Variants in OTUD7A observed in about 807,000 individuals in gnomAD.
OTUD7A encodes OTU domain-containing protein 7A.
A neutral mutation model predicts 65.7 loss-of-function variants in OTUD7A; 12 were observed. The observed-to-expected ratio is 0.18, with a 90% CI of 0.12 to 0.30. The LOEUF is 0.30. OTUD7A is among the 10% of genes least tolerant of loss of function. The pLI, the probability that OTUD7A is intolerant of heterozygous loss-of-function variation, is 1.00. For missense variants in OTUD7A, 1,148 were observed against 1,304.8 expected, an observed-to-expected ratio of 0.88 and a Z score of 1.85; for synonymous variants, 641 against 586.3, an observed-to-expected ratio of 1.09 and a Z score of -1.35.
At chr15:31,609,764 G>T (rs778103773) in intron 3 of OTUD7A, among the ~76,000 whole-genome samples, 3 of 152,094 alleles carry the variant, frequency 2.0e-5, no homozygotes, top group Non-Finnish European at 4.4e-5. Context: ...GAGGCCAACC[G>T]GCACAAAAAC....
chr15:31,593,038 TTACA>T (rs1021094663), intron 3 of OTUD7A, among the ~76,000 whole-genome samples: 3 of 148,916 alleles, frequency 2.0e-5, no homozygotes, highest in Non-Finnish European at 4.4e-5. Context: ...CATAAACCCA[TTACA>T]TAGTCATTTG....
chr15:31,574,159 C>T (rs906798278), intron 3 of OTUD7A, among the ~76,000 whole-genome samples: 2 of 151,966 alleles, frequency 1.3e-5, no homozygotes, highest in Admixed American at 6.6e-5. Flanking sequence ...TATATAACCA[C>T]TAGTTATAAA....
chr15:31,605,612 T>C lies in OTUD7A; in HGVS notation c.152-35415A>G, dbSNP rs192932560. ...CATTAGGGGGCGCCTCCGTGCTCAC[T>C]TTCCAATGTAGCCTGCAATCATGGA... On this transcript the variant is annotated intron_variant, in intron 3 of 12. Coordinates refer to ENST00000307050, the MANE Select transcript of OTUD7A (RefSeq NM_001382637.1). Among the ~76,000 whole-genome samples the C allele has an allele frequency of 5.8e-4, 89 of 152,328 alleles. 2 individuals are homozygous for C. Among genetic ancestry groups the C allele is most frequent in the Admixed American group, 1.0e-3 (16 of 15,306 alleles).
At position 31,766,690 on chromosome 15, in the gene OTUD7A, C is replaced by G. The variant is rs1054936747; in HGVS notation, c.-100+103817G>C. On this transcript the variant is annotated intron_variant, in intron 1 of 12. Coordinates refer to ENST00000307050, the MANE Select transcript of OTUD7A (RefSeq NM_001382637.1). ...CTGTTCTGACTTGCATTTCCCATTA[C>G]ACAACTCCTCTTGGTCTTGAACAAT... 7 of 1,606,670 alleles carry G rather than the reference C, an allele frequency of 4.4e-6. No individual in the cohort carries two copies. The African/African-American group carries it at 6.7e-5, about 15-fold the overall frequency.
At chr15:31,698,321 C>G (rs146921244) in intron 1 of OTUD7A, among the ~76,000 whole-genome samples, 2 of 152,336 alleles carry the variant, frequency 1.3e-5, no homozygotes, top group African/African-American at 4.8e-5. Context: ...CCTGTTGATA[C>G]TTCTGCAAAG....
chr15:31,537,407 T>C (rs1461692701), intron 5 of OTUD7A, among the ~76,000 whole-genome samples: 4 of 152,228 alleles, frequency 2.6e-5, no homozygotes, highest in Admixed American at 2.6e-4. Context: ...ATTTATTATA[T>C]GAAGATGTTA....
At chr15:31,768,293 G>C in intron 1 of OTUD7A, 1 of 694,528 alleles carries the variant, frequency 1.4e-6, no homozygotes, top group South Asian at 1.6e-5. Flanking sequence ...CACAACCATT[G>C]GCTCTGCCGC....
chr15:31,635,026 T>C (rs1396188063), intron 3 of OTUD7A, among the ~76,000 whole-genome samples: 1 of 152,206 alleles, frequency 6.6e-6, no homozygotes, highest in Non-Finnish European at 1.5e-5. Context: ...AGTTCCACCT[T>C]AAACTCCAAA....
rs1441738727 is a variant in OTUD7A, at chr15:31,578,158, C to G, written c.152-7961G>C. 2.0e-5 allele frequency among the ~76,000 whole-genome samples: 3 copies of G among 152,138 alleles called. No individual in the cohort carries two copies. The East Asian group carries it at 5.8e-4, about 29-fold the overall frequency. ...TCAGGCCAAGGTGGGAAGTAGGAGT[C>G]AGACAGGCCTCATTATGCCCTCCTC... On this transcript the variant is annotated intron_variant, in intron 3 of 12. Transcript: ENST00000307050.
Position 31,655,345 on chromosome 15 carries a change from A to T in OTUD7A, c.-4-95T>A, listed in dbSNP as rs1891959990. On this transcript the variant is annotated intron_variant, in intron 2 of 12. Coordinates refer to ENST00000307050, the MANE Select transcript of OTUD7A (RefSeq NM_001382637.1). ...AGAGACCTGAGCGAGAGAACCCTCG[A>T]GGGTGGAGCCATTTCCACCTGCTGT... 11 of 595,026 alleles carry T rather than the reference A, an allele frequency of 1.8e-5. No individual in the cohort carries two copies. In the South Asian group the frequency reaches 2.3e-4, roughly 12 times the overall value. 36.9% of individuals were successfully genotyped at this position (595,026 alleles called of 1,614,324 possible).
chr15:31,514,637 C>T (rs144933346), intron 8 of OTUD7A, among the ~76,000 whole-genome samples: 1 of 152,332 alleles, frequency 6.6e-6, no homozygotes, highest in East Asian at 1.9e-4. Context: ...TTTGATCAGT[C>T]TTCCCATATG....
Position 31,570,149 on chromosome 15 carries a change from C to A in OTUD7A, c.200G>T (p.Arg67Leu). 1 of 1,614,126 alleles carries A rather than the reference C, an allele frequency of 6.2e-7. No homozygotes were observed. The highest frequency in any genetic ancestry group is 8.5e-7 in the Non-Finnish European group (1 of 1,180,020). ...TGGCAGATTGGCTGTGTGCACCTGG[C>A]GGAGCTGCTCATAGTCGCTCAGAGC... is the stretch of plus-strand genomic sequence containing the variant. ...TAALSDYEQL[R>L]QVHTANLPHV... is the part of the protein sequence containing the mutation. The change falls in exon 4 of 13, where the codon CGC becomes CTC. Residue 67 changes from arginine to leucine, a missense_variant. Coordinates refer to ENST00000307050, the MANE Select transcript of OTUD7A (RefSeq NM_001382637.1).
At chr15:31,759,510 G>A (rs58018947) in intron 1 of OTUD7A, among the ~76,000 whole-genome samples, 2,438 of 152,230 alleles carry the variant, frequency 0.016, 73 homozygotes, top group African/African-American at 0.056. Context: ...CTAATAGATC[G>A]TGGCTTACCA....
intron 8 of OTUD7A, among the ~76,000 whole-genome samples, chr15:31,519,401 G>T (rs972641350): frequency 6.6e-6 from 1 of 152,138 alleles, no homozygotes; most frequent in African/African-American, 2.4e-5. Flanking sequence ...TGTTAGATTT[G>T]ATTTGCTAGT....
intron 5 of OTUD7A, among the ~76,000 whole-genome samples, chr15:31,538,150 A>C (rs1887867064): frequency 6.6e-6 from 1 of 152,186 alleles, no homozygotes; most frequent in African/African-American, 2.4e-5. Context: ...CAAGGGCCAC[A>C]ATCAGGGGCT....
intron 3 of OTUD7A, among the ~76,000 whole-genome samples, chr15:31,606,318 G>C (rs1439324654): frequency 2.0e-5 from 3 of 152,200 alleles, no homozygotes; most frequent in African/African-American, 4.8e-5. Context: ...GCAGAACTGA[G>C]GTAGGTTTCA....
intron 1 of OTUD7A, among the ~76,000 whole-genome samples, chr15:31,768,539 G>A (rs1017616727): frequency 7.2e-5 from 11 of 151,954 alleles, no homozygotes; most frequent in Non-Finnish European, 1.5e-4. Context: ...CATGCCTGTG[G>A]TCCTAGCTAC....
intron 1 of OTUD7A, among the ~76,000 whole-genome samples, chr15:31,745,104 A>T (rs1255463198): frequency 2.0e-5 from 3 of 152,172 alleles, no homozygotes; most frequent in African/African-American, 4.8e-5. Context: ...AAACATCAAT[A>T]TTAGGGTCAG....
intron 5 of OTUD7A, among the ~76,000 whole-genome samples, chr15:31,544,710 C>G (rs1407519125): frequency 6.6e-6 from 1 of 151,856 alleles, no homozygotes; most frequent in Non-Finnish European, 1.5e-5. Context: ...GAGATCTTAA[C>G]ACACCCTGTT....
Sources: gnomAD v4.1 joint callset for allele counts (sites outside exome capture counted in the v4.1 genomes callset) on GRCh38, gnomAD v4.1.1 for gene constraint, MANE v1.5 for transcripts, NCBI Gene and HGNC (gene_info 2026-07-23, HGNC 2026-07-21) for gene names.